Variants in ELAPOR2 observed in about 807,000 individuals in gnomAD.
The protein encoded by ELAPOR2 is endosome/lysosome-associated apoptosis and autophagy regulator family member 2.
A neutral mutation model predicts 120.7 loss-of-function variants in ELAPOR2; 89 were observed. That is an observed-to-expected ratio of 0.74 (90% CI 0.62 to 0.88). The LOEUF (loss-of-function observed/expected upper bound fraction) is 0.88. Among genes scored for constraint, ELAPOR2 ranks in the 40% least tolerant of loss-of-function variants. The pLI is 0.00. For synonymous variants in ELAPOR2, 444 were observed against 444.9 expected (o/e 1.00, Z 0.03); for missense variants, 1,134 against 1,251.6 (o/e 0.91, Z 1.42).
At chr7:86,941,570 G>A (rs17161112) in intron 5 of ELAPOR2, among the ~76,000 whole-genome samples, 2,229 of 152,156 alleles carry the variant, frequency 0.015, 20 homozygotes, top group Middle Eastern at 0.048. Flanking sequence ...CACTTGTTGG[G>A]CACAGCGCAG....
intron 10 of ELAPOR2, among the ~76,000 whole-genome samples, chr7:86,922,951 C>T (rs539851737): frequency 6.6e-6 from 1 of 151,798 alleles, no homozygotes; most frequent in Admixed American, 6.6e-5. Flanking sequence ...TACAGTAAAC[C>T]AAATTTAAAA....
At chr7:86,990,871 A>G (rs991648325) in intron 1 of ELAPOR2, among the ~76,000 whole-genome samples, 3 of 152,188 alleles carry the variant, frequency 2.0e-5, no homozygotes, top group Non-Finnish European at 2.9e-5. Context: ...AACTACAAGA[A>G]TTTATTTAAT....
intron 1 of ELAPOR2, among the ~76,000 whole-genome samples, chr7:87,005,430 A>G (rs956437237): frequency 6.6e-6 from 1 of 152,194 alleles, no homozygotes; most frequent in Non-Finnish European, 1.5e-5. Context: ...CACATGACAT[A>G]TTTCACCTAA....
chr7:86,903,418 A>G (rs1017564005), intron 18 of ELAPOR2, among the ~76,000 whole-genome samples: 1 of 152,192 alleles, frequency 6.6e-6, no homozygotes, highest in East Asian at 1.9e-4. Context: ...GCACAGACTT[A>G]CATATCTATT....
chr7:86,991,773 G>C (rs1170131854), intron 1 of ELAPOR2, among the ~76,000 whole-genome samples: 3 of 152,162 alleles, frequency 2.0e-5, no homozygotes, highest in Non-Finnish European at 4.4e-5. Context: ...AGCATCCAAG[G>C]TGGCTGCTAA....
chr7:86,912,003 A>T, intron 15 of ELAPOR2, 69 bp downstream of exon 15: 1 of 1,455,184 alleles, frequency 6.9e-7, no homozygotes, highest in Non-Finnish European at 9.5e-7. Context: ...TTGGTCCATT[A>T]ACACAGAAAA....
chr7:86,932,355 T>C (rs1790364689), intron 8 of ELAPOR2, among the ~76,000 whole-genome samples: 1 of 151,880 alleles, frequency 6.6e-6, no homozygotes, highest in African/African-American at 2.4e-5. Context: ...ATTCCTCAGT[T>C]TTACATTGGT....
intron 2 of ELAPOR2, among the ~76,000 whole-genome samples, chr7:86,952,172 T>C (rs780751877): frequency 2.0e-5 from 3 of 152,166 alleles, no homozygotes; most frequent in Non-Finnish European, 4.4e-5. Context: ...AAGCATTGAG[T>C]GTATTAATTT....
intron 8 of ELAPOR2, among the ~76,000 whole-genome samples, chr7:86,931,690 A>G (rs1486506372): frequency 6.6e-6 from 1 of 151,840 alleles, no homozygotes; most frequent in Non-Finnish European, 1.5e-5. Flanking sequence ...TTTAATGAGT[A>G]AGAACCAGTC....
At chr7:87,015,383 C>T (rs948349763) in intron 1 of ELAPOR2, among the ~76,000 whole-genome samples, 3 of 152,142 alleles carry the variant, frequency 2.0e-5, no homozygotes, top group African/African-American at 7.2e-5. Flanking sequence ...TAGCTCTTTC[C>T]TACTCTCCTG....
chr7:86,930,308 T>A (rs926608231), intron 8 of ELAPOR2, among the ~76,000 whole-genome samples: 2 of 151,868 alleles, frequency 1.3e-5, no homozygotes, highest in African/African-American at 4.8e-5. Context: ...ATTAGAAAAA[T>A]TTTATTTTAA....
chr7:87,045,932 A>G (rs1276924066), intron 1 of ELAPOR2, among the ~76,000 whole-genome samples: 2 of 152,198 alleles, frequency 1.3e-5, no homozygotes, highest in East Asian at 1.9e-4. Context: ...GTTATTCACC[A>G]TAGTACTGGA....
chr7:86,903,614 A>C (rs141100985), intron 18 of ELAPOR2, among the ~76,000 whole-genome samples: 10 of 152,322 alleles, frequency 6.6e-5, no homozygotes, highest in African/African-American at 1.9e-4. Context: ...GAGACTCTAA[A>C]TTGGAATCTG....
At chr7:86,905,126 G>GGAAGGAAGGAAGGAAA (rs1436484337) in intron 18 of ELAPOR2, among the ~76,000 whole-genome samples, 88 of 114,732 alleles carry the variant, frequency 7.7e-4, no homozygotes, top group Admixed American at 2.4e-3. Flanking sequence ...AAGGAAGGAA[G>GGAAGGAAGGAAGGAAA]GAAAGAAAGA....
intron 18 of ELAPOR2, 72 bp from the exon 19 acceptor site, chr7:86,897,704 A>C: frequency 1.3e-6 from 2 of 1,534,406 alleles, no homozygotes; most frequent in Non-Finnish European, 1.8e-6. Context: ...TCTAATCAAC[A>C]CCAGAATACC....
chr7:86,971,562 T>C (rs1289326503), intron 1 of ELAPOR2, among the ~76,000 whole-genome samples: 1 of 152,176 alleles, frequency 6.6e-6, no homozygotes, highest in Non-Finnish European at 1.5e-5. Context: ...CGTTCTATTA[T>C]CTAATTACAT....
At chr7:86,899,410 C>T (rs779669795) in intron 18 of ELAPOR2, among the ~76,000 whole-genome samples, 2 of 152,110 alleles carry the variant, frequency 1.3e-5, no homozygotes, top group Non-Finnish European at 2.9e-5. Context: ...TCCTTTAGAC[C>T]TCAGCTGGTC....
chr7:87,048,555 C>T lies in ELAPOR2; in HGVS notation c.189+10770G>A, dbSNP rs183059391. ...AAAAAATAGAAAAAATAAATAAGTC[C>T]TATTATTTGATACCACAACAGTGTG... On this transcript the variant is annotated intron_variant, in intron 1 of 21. Coordinates refer to ENST00000450689, the MANE Select transcript of ELAPOR2 (RefSeq NM_001142749.3). Among the ~76,000 whole-genome samples the T allele has an allele frequency of 1.2e-3, 182 of 152,202 alleles. 1 individual carries two copies. The highest frequency in any genetic ancestry group is 4.1e-3 in the African/African-American group (172 of 41,540).
chr7:86,986,547 A>T (rs1184251843), intron 1 of ELAPOR2, among the ~76,000 whole-genome samples: 2 of 130,706 alleles, frequency 1.5e-5, no homozygotes, highest in Non-Finnish European at 3.2e-5. Flanking sequence ...GCATTCCTAC[A>T]CACCATTAAC....
Sources: gnomAD v4.1 joint callset for allele counts (sites outside exome capture counted in the v4.1 genomes callset) on GRCh38, gnomAD v4.1.1 for gene constraint, MANE v1.5 for transcripts, NCBI Gene and HGNC (gene_info 2026-07-23, HGNC 2026-07-21) for gene names.